Variants in EPB41 observed in about 807,000 individuals in gnomAD.
The protein encoded by EPB41 is erythrocyte membrane protein band 4.1.
Under a neutral mutation model 108.0 loss-of-function variants are expected in EPB41, and 65 were observed. The observed-to-expected ratio is 0.60, with a 90% CI of 0.49 to 0.74. The LOEUF (loss-of-function observed/expected upper bound fraction) is 0.74. Ranked by LOEUF, EPB41 falls within the 30% of genes least tolerant of loss-of-function variation. The pLI is 0.00. For missense variants in EPB41, 875 were observed against 1,037.0 expected (o/e 0.84, Z 2.15); for synonymous variants, 336 against 358.9 (o/e 0.94, Z 0.72).
chr1:29,015,663 G>A (rs373718459), intron 5 of EPB41, 29 bp from the exon 6 acceptor site: 106 of 1,374,378 alleles, frequency 7.7e-5, no homozygotes, highest in Non-Finnish European at 1.1e-4. Flanking sequence ...AGGTATAAAC[G>A]TAAAATTCTT....
At chr1:28,973,653 C>A (rs373711182) in intron 1 of EPB41, among the ~76,000 whole-genome samples, 14 of 152,226 alleles carry the variant, frequency 9.2e-5, no homozygotes, top group African/African-American at 3.1e-4. Context: ...TTTTGGTCTC[C>A]CAGAGTGTTG....
At position 29,065,176 on chromosome 1, in the gene EPB41, A is replaced by G. The variant is rs772876084; in HGVS notation, c.2184+18A>G. On this transcript the variant is annotated intron_variant, in intron 16 of 20. Transcript: ENST00000343067. ...GAGAAGGAGTGAGTACTTTGTCCAC[A>G]TGACCAATTGTGAAAATGGAGGGAA... The G allele has an allele frequency of 1.9e-6, 3 of 1,554,906 alleles. No individual in the cohort carries two copies. The highest frequency in any genetic ancestry group is 2.7e-5 in the African/African-American group (2 of 72,840).
intron 1 of EPB41, among the ~76,000 whole-genome samples, chr1:28,932,729 G>A (rs1391453297): frequency 6.6e-6 from 1 of 152,042 alleles, no homozygotes; most frequent in Non-Finnish European, 1.5e-5. Context: ...AAATCAAGTA[G>A]AATATTAAAA....
At chr1:29,076,243 C>T (rs1654024151) in intron 16 of EPB41, among the ~76,000 whole-genome samples, 1 of 152,196 alleles carries the variant, frequency 6.6e-6, no homozygotes, top group Non-Finnish European at 1.5e-5. Context: ...TTTCTAACTT[C>T]CCTTGTTTTA....
chr1:29,008,746 C>T (rs1016187557), intron 4 of EPB41, among the ~76,000 whole-genome samples: 7 of 152,188 alleles, frequency 4.6e-5, no homozygotes, highest in African/African-American at 1.7e-4. Flanking sequence ...CATGTCTGGT[C>T]CTTACTGTTC....
At chr1:28,910,348 G>T (rs534845388), upstream of EPB41, among the ~76,000 whole-genome samples, 1 of 152,154 alleles carries the variant, frequency 6.6e-6, no homozygotes, top group East Asian at 1.9e-4. Flanking sequence ...TTTTTATCCT[G>T]CCATAGGCAG....
chr1:28,892,136 G>A (rs2090188246), intron 1 of EPB41, among the ~76,000 whole-genome samples: 1 of 145,218 alleles, frequency 6.9e-6, no homozygotes, highest in Non-Finnish European at 1.5e-5. Flanking sequence ...ACCATTTATT[G>A]CACAGTTGCC....
At chr1:28,960,412 A>G (rs1256730724) in intron 1 of EPB41, among the ~76,000 whole-genome samples, 1 of 151,650 alleles carries the variant, frequency 6.6e-6, no homozygotes. Flanking sequence ...AGGATTTATT[A>G]CCCCTACAAT....
intron 15 of EPB41, among the ~76,000 whole-genome samples, chr1:29,062,358 T>C (rs1036692003): frequency 3.3e-5 from 5 of 152,244 alleles, no homozygotes; most frequent in African/African-American, 1.2e-4. Flanking sequence ...AGGTGTGTTA[T>C]GGCTTCTGAG....
chr1:29,038,862 A>T (rs1640471200), intron 10 of EPB41, among the ~76,000 whole-genome samples: 1 of 152,214 alleles, frequency 6.6e-6, no homozygotes, highest in Non-Finnish European at 1.5e-5. Flanking sequence ...GTGGAAAAAG[A>T]GCTCTGGGCT....
At chr1:29,067,622 G>A (rs1023314614) in intron 16 of EPB41, among the ~76,000 whole-genome samples, 4 of 148,418 alleles carry the variant, frequency 2.7e-5, no homozygotes, top group African/African-American at 2.5e-5. Context: ...AGCCGAGATC[G>A]CGCCACTGCA....
intron 8 of EPB41, among the ~76,000 whole-genome samples, chr1:29,030,775 C>CA (rs112014000): frequency 0.011 from 1,527 of 135,100 alleles, 19 homozygotes; most frequent in African/African-American, 0.026. Flanking sequence ...GACCCCGTCT[C>CA]AAAAAAAAAA....
chr1:28,986,369 G>A (rs571963595), intron 1 of EPB41, among the ~76,000 whole-genome samples: 16 of 152,150 alleles, frequency 1.1e-4, no homozygotes, highest in African/African-American at 3.4e-4. Context: ...TAAAGTAGAC[G>A]TGACAATGCT....
intron 1 of EPB41, among the ~76,000 whole-genome samples, chr1:28,940,577 G>A (rs538649129): frequency 1.4e-3 from 217 of 152,230 alleles, no homozygotes; most frequent in Non-Finnish European, 2.1e-3. Context: ...ACTTGAACCC[G>A]GGAGGCGGAG....
At chr1:29,079,903 A>C (rs890579336) in intron 16 of EPB41, among the ~76,000 whole-genome samples, 1 of 151,878 alleles carries the variant, frequency 6.6e-6, no homozygotes, top group African/African-American at 2.4e-5. Flanking sequence ...AGGCTGAGGC[A>C]GGAGAATTGC....
intron 17 of EPB41, among the ~76,000 whole-genome samples, chr1:29,103,962 C>T (rs1459283681): frequency 2.6e-5 from 4 of 152,310 alleles, no homozygotes; most frequent in South Asian, 2.1e-4. Context: ...CCACTGCTCC[C>T]GGCCCACATT....
chr1:29,096,778 C>T (rs896583559), intron 16 of EPB41: 20 of 172,252 alleles, frequency 1.2e-4, no homozygotes, highest in Middle Eastern at 3.0e-3. Flanking sequence ...GAGCAATTAA[C>T]TGCATGGCTA....
At chr1:29,001,166 C>T in intron 4 of EPB41, among the ~76,000 whole-genome samples, 1 of 152,046 alleles carries the variant, frequency 6.6e-6, no homozygotes, top group South Asian at 2.1e-4. Flanking sequence ...CACATCTCTA[C>T]TGAAAATACA....
intron 1 of EPB41, among the ~76,000 whole-genome samples, chr1:28,951,537 A>G (rs756413966): frequency 6.6e-6 from 1 of 152,176 alleles, no homozygotes; most frequent in Non-Finnish European, 1.5e-5. Flanking sequence ...TGTCCAGGAA[A>G]AAGGTACTAT....
Sources: allele counts gnomAD v4.1 joint callset (sites outside exome capture counted in the v4.1 genomes callset), GRCh38; gene constraint gnomAD v4.1.1; transcripts MANE v1.5; gene names NCBI Gene and HGNC (gene_info 2026-07-23, HGNC 2026-07-21).